RBM20: variants seen among roughly 807,000 people sequenced by gnomAD.
RBM20 encodes RNA-binding protein 20.
RBM20 carries 51 observed loss-of-function variants against 110.1 expected under a neutral mutation model. The observed-to-expected ratio is 0.46, with a 90% CI of 0.37 to 0.59. RBM20 has a LOEUF of 0.59. RBM20 is among the 20% of genes least tolerant of loss of function. RBM20 has a pLI of 0.00. For synonymous variants in RBM20, 589 were observed against 618.2 expected, an observed-to-expected ratio of 0.95 and a Z score of 0.70; for missense variants, 1,512 against 1,574.9, an observed-to-expected ratio of 0.96 and a Z score of 0.68.
At chr10:110,780,631 T>C (rs1844324675) in intron 1 of RBM20, among the ~76,000 whole-genome samples, 170 bp from the exon 2 acceptor site, 2 of 152,046 alleles carry the variant, frequency 1.3e-5, no homozygotes, top group Non-Finnish European at 2.9e-5. Flanking sequence ...TTTTTTTTTT[T>C]TTTTTTAATG....
intron 9 of RBM20, among the ~76,000 whole-genome samples, chr10:110,814,832 A>G (rs983821990): frequency 1.7e-4 from 26 of 152,214 alleles, no homozygotes; most frequent in African/African-American, 6.0e-4. Context: ...GCAAAAGTGA[A>G]AAAGAAAGAC....
Position 110,837,394 on chromosome 10 carries a change from G to A in RBM20, c.*1416G>A, listed in dbSNP as rs1300807780. ...AGAGAGGCCCTCGGGCAGTTAAGAA[G>A]GGAGCCTGGAGCTGTTTTCATGAGC... On this transcript the variant is annotated 3_prime_UTR_variant, in exon 14 of 14. Coordinates refer to ENST00000369519, the MANE Select transcript of RBM20 (RefSeq NM_001134363.3). The A allele has an allele frequency of 1.3e-5, 2 of 152,188 alleles. No homozygotes were observed. The highest frequency in any genetic ancestry group is 2.9e-5 in the Non-Finnish European group (2 of 68,066). The allele number at this position is 152,188 out of a possible 1,614,324, so 9.4% of individuals were successfully genotyped here. A position where few individuals can be genotyped will look rare whatever the true frequency, so the allele number is the denominator to read the frequency against.
chr10:110,667,360 G>T (rs1331565972), intron 1 of RBM20, among the ~76,000 whole-genome samples: 6 of 152,334 alleles, frequency 3.9e-5, no homozygotes, highest in African/African-American at 1.2e-4. Flanking sequence ...AGTTTGGGAT[G>T]ATCATTTAGC....
At chr10:110,672,200 G>A (rs1017725472) in intron 1 of RBM20, among the ~76,000 whole-genome samples, 1 of 152,214 alleles carries the variant, frequency 6.6e-6, no homozygotes, top group Non-Finnish European at 1.5e-5. Context: ...GTTCTGCCAC[G>A]AGGGAGGCGA....
chr10:110,761,797 C>A (rs181001708), intron 1 of RBM20, among the ~76,000 whole-genome samples: 1 of 152,218 alleles, frequency 6.6e-6, no homozygotes, highest in African/African-American at 2.4e-5. Context: ...ATCCTGGTAC[C>A]GGAAGAGACC....
At chr10:110,782,201 T>C (rs1272604017) in intron 2 of RBM20, among the ~76,000 whole-genome samples, 1 of 152,204 alleles carries the variant, frequency 6.6e-6, no homozygotes, top group Non-Finnish European at 1.5e-5. Flanking sequence ...TCCTGCCTTC[T>C]CGTGGAGGGC....
intron 7 of RBM20, among the ~76,000 whole-genome samples, chr10:110,800,123 G>A (rs540807887): frequency 3.3e-5 from 5 of 152,218 alleles, no homozygotes; most frequent in Non-Finnish European, 1.5e-5. Context: ...GCAAAGAGAC[G>A]CCTGAGACTA....
At chr10:110,829,958 CTCTT>C (rs1845028398) in intron 12 of RBM20, among the ~76,000 whole-genome samples, 1 of 152,246 alleles carries the variant, frequency 6.6e-6, no homozygotes, top group Non-Finnish European at 1.5e-5. Flanking sequence ...AGCATCACCC[CTCTT>C]TCTTAGTTCC....
chr10:110,707,566 C>T (rs1257962640), intron 1 of RBM20, among the ~76,000 whole-genome samples: 2 of 152,146 alleles, frequency 1.3e-5, no homozygotes, highest in Non-Finnish European at 2.9e-5. Context: ...AAAAATATTA[C>T]TCAGCTATAA....
Position 110,719,675 on chromosome 10 carries a change from C to A in RBM20, c.192-61126C>A, listed in dbSNP as rs1259225562. On this transcript the variant is annotated intron_variant, in intron 1 of 13. Coordinates refer to ENST00000369519, the MANE Select transcript of RBM20 (RefSeq NM_001134363.3). ...GAGTTTTGTGTCTTTCTTGGGAAGA[C>A]CTTTCCCATCCCAGATTACAAAGAG... Among the ~76,000 whole-genome samples the A allele has an allele frequency of 2.6e-5, 4 of 151,944 alleles. No individual in the cohort carries two copies. In the East Asian group the frequency reaches 5.8e-4, roughly 22 times the overall value.
At position 110,648,693 on chromosome 10, in the gene RBM20, T is replaced by TGTTC. The variant is rs1228145017; in HGVS notation, c.191+4048_191+4049insGTTC. On this transcript the variant is annotated intron_variant, in intron 1 of 13. Transcript: ENST00000369519. Reference sequence around the variant, plus strand: ...GGAAAACATCTGAGAGGATTAAGCCTTTACCCCAACAGGGAAGAAAAGGGG... The same window carrying TGTTC: ...GGAAAACATCTGAGAGGATTAAGCCTGTTCTTACCCCAACAGGGAAGAAAAGGGG... Among the ~76,000 whole-genome samples the TGTTC allele has an allele frequency of 2.5e-3, 290 of 115,210 alleles. 2 individuals carry two copies. The highest frequency in any genetic ancestry group is 8.2e-3 in the African/African-American group (284 of 34,602). 75.6% of individuals were successfully genotyped at this position (115,210 alleles called of 152,430 possible). A position where few individuals can be genotyped will look rare whatever the true frequency, so the allele number is the denominator to read the frequency against.
chr10:110,737,970 C>T (rs1843689120), intron 1 of RBM20, among the ~76,000 whole-genome samples: 1 of 152,160 alleles, frequency 6.6e-6, no homozygotes. Flanking sequence ...CCTATAAGAC[C>T]AGGTCTTGCC....
At chr10:110,667,859 C>A (rs913792645) in intron 1 of RBM20, among the ~76,000 whole-genome samples, 1 of 152,166 alleles carries the variant, frequency 6.6e-6, no homozygotes, top group African/African-American at 2.4e-5. Context: ...ACTTTACCCC[C>A]CATGCATGTG....
Position 110,763,958 on chromosome 10 carries a change from C to G in RBM20, c.192-16843C>G, listed in dbSNP as rs1341116666. ...AGATGCCAGTTGCATCCCATCACCC[C>G]CCTCAGTTCTGACAACAAACTGTTT... On this transcript the variant is annotated intron_variant, in intron 1 of 13. Transcript: ENST00000369519. 2.6e-5 allele frequency among the ~76,000 whole-genome samples: 4 copies of G among 152,214 alleles called. No individual in the cohort carries two copies. In the South Asian group the frequency reaches 6.2e-4, roughly 24 times the overall value.
chr10:110,728,742 G>A (rs965387176), intron 1 of RBM20, among the ~76,000 whole-genome samples: 1 of 152,184 alleles, frequency 6.6e-6, no homozygotes, highest in Non-Finnish European at 1.5e-5. Context: ...GGGTGGGCAG[G>A]TGTCATTATT....
At chr10:110,700,208 C>T (rs1384287107) in intron 1 of RBM20, among the ~76,000 whole-genome samples, 1 of 152,190 alleles carries the variant, frequency 6.6e-6, no homozygotes, top group Non-Finnish European at 1.5e-5. Context: ...CCTAGTCCCT[C>T]CCATTTCTGT....
chr10:110,787,939 T>A (rs1360700885), intron 5 of RBM20, among the ~76,000 whole-genome samples: 2 of 152,154 alleles, frequency 1.3e-5, no homozygotes, highest in African/African-American at 2.4e-5. Flanking sequence ...GTTCTTAGCA[T>A]TTTTGTTTTG....
intron 6 of RBM20, among the ~76,000 whole-genome samples, chr10:110,799,468 G>T (rs1327984892): frequency 6.6e-6 from 1 of 152,114 alleles, no homozygotes; most frequent in South Asian, 2.1e-4. Flanking sequence ...TTTAAGTGAG[G>T]TATAAAACAC....
At chr10:110,804,599 T>C (rs909109522) in intron 7 of RBM20, among the ~76,000 whole-genome samples, 3 of 152,240 alleles carry the variant, frequency 2.0e-5, no homozygotes, top group Non-Finnish European at 4.4e-5. Flanking sequence ...CCTCAGCTTA[T>C]TTGAGGCAGA....
Sources: allele counts gnomAD v4.1 joint callset (sites outside exome capture counted in the v4.1 genomes callset), GRCh38; gene constraint gnomAD v4.1.1; transcripts MANE v1.5; gene names NCBI Gene and HGNC (gene_info 2026-07-23, HGNC 2026-07-21).